The following KCNN3 variants were observed in gnomAD, a reference collection of about 807,000 sequenced individuals.
KCNN3 encodes small conductance calcium-activated potassium channel protein 3.
KCNN3 carries 16 observed loss-of-function variants against 62.9 expected under a neutral mutation model. The ratio of observed to expected loss-of-function variants is 0.25; its 90% CI spans 0.17 to 0.39. The LOEUF is 0.39. Ranked by LOEUF, KCNN3 falls within the 10% of genes least tolerant of loss-of-function variation. The pLI is 1.00. For missense variants in KCNN3, 599 were observed against 949.4 expected (o/e 0.63, Z 4.85); for synonymous variants, 370 against 389.2 (o/e 0.95, Z 0.58).
intron 3 of KCNN3, among the ~76,000 whole-genome samples, chr1:154,747,408 C>T (rs919538900): frequency 1.3e-5 from 2 of 152,162 alleles, no homozygotes; most frequent in African/African-American, 2.4e-5. Flanking sequence ...GGAGAGGGGA[C>T]GTTCTCAGCC....
chr1:154,738,615 G>A (rs965556028), intron 3 of KCNN3, among the ~76,000 whole-genome samples: 12 of 152,176 alleles, frequency 7.9e-5, no homozygotes, highest in South Asian at 2.1e-4. Context: ...CACCAGGTGC[G>A]GAGGACAACC....
chr1:154,709,115 G>A (rs1309530508), intron 7 of KCNN3, among the ~76,000 whole-genome samples: 6 of 152,106 alleles, frequency 3.9e-5, no homozygotes, highest in Admixed American at 3.3e-4. Context: ...CTGACTCCCC[G>A]TGTTCCAGGG....
At chr1:154,815,119 A>G (rs1468928053) in intron 2 of KCNN3, among the ~76,000 whole-genome samples, 3 of 152,118 alleles carry the variant, frequency 2.0e-5, no homozygotes, top group South Asian at 4.2e-4. Flanking sequence ...TGACATGCTC[A>G]AACCTAGCCA....
intron 2 of KCNN3, among the ~76,000 whole-genome samples, chr1:154,780,243 T>A (rs1648975523): frequency 7.0e-6 from 1 of 142,672 alleles, no homozygotes; most frequent in African/African-American, 2.6e-5. Flanking sequence ...AGTCGATTCA[T>A]TGGATTCACT....
rs1196106000 is a variant in KCNN3 at position 154,862,008 on chromosome 1, G to A, written c.933+7024C>T. Among the ~76,000 whole-genome samples, 1 of 152,332 alleles carries A rather than the reference G, an allele frequency of 6.6e-6. No individual in the cohort carries two copies. Among genetic ancestry groups the A allele is most frequent in the South Asian group, 2.1e-4 (1 of 4,822 alleles). ...CTGCCCATGACAGAGCTCAACAGAGGCATGAGGCACAGACAGGGACGCAGG... is the reference window on the plus strand; with the variant it reads ...CTGCCCATGACAGAGCTCAACAGAGACATGAGGCACAGACAGGGACGCAGG... On this transcript the variant is annotated intron_variant, in intron 1 of 7. Coordinates refer to ENST00000271915, the MANE Select transcript of KCNN3 (RefSeq NM_002249.6). The surrounding 1 kb of genome is among the most constrained non-coding windows in gnomAD (Gnocchi z 4.1).
intron 1 of KCNN3, among the ~76,000 whole-genome samples, chr1:154,864,279 A>G (rs1652874795): frequency 6.6e-6 from 1 of 152,240 alleles, no homozygotes; most frequent in African/African-American, 2.4e-5. Context: ...ACCCAGAGGC[A>G]TCTTCTCAAA....
At chr1:154,766,305 C>T (rs1648269213) in intron 3 of KCNN3, among the ~76,000 whole-genome samples, 1 of 150,894 alleles carries the variant, frequency 6.6e-6, no homozygotes, top group African/African-American at 2.4e-5. Flanking sequence ...AAATCATGGG[C>T]TCCTACCAAT....
chr1:154,791,818 T>C (rs990727751), intron 2 of KCNN3, among the ~76,000 whole-genome samples: 2 of 152,238 alleles, frequency 1.3e-5, no homozygotes, highest in Admixed American at 1.3e-4. Context: ...ACTTCACTGC[T>C]GTTTGTATGA....
At chr1:154,831,253 G>C (rs554966420) in intron 1 of KCNN3, among the ~76,000 whole-genome samples, 51 of 152,284 alleles carry the variant, frequency 3.3e-4, no homozygotes, top group Middle Eastern at 3.4e-3. Flanking sequence ...AATGAATATG[G>C]AACGGTAAAT....
rs889024416 is a variant in KCNN3, at chr1:154,838,726, C to T, written c.934-16542G>A. On this transcript the variant is annotated intron_variant, in intron 1 of 7. Transcript: ENST00000271915. ...TCCACCCTGTCCCTTCAGGCCTCTTCGGGAGACAATTCTAAGTGCGTTGAG... is the reference window on the plus strand; with the variant it reads ...TCCACCCTGTCCCTTCAGGCCTCTTTGGGAGACAATTCTAAGTGCGTTGAG... 3.3e-5 allele frequency among the ~76,000 whole-genome samples: 5 copies of T among 152,144 alleles called. No homozygotes were observed. In the East Asian group the frequency reaches 5.8e-4, roughly 18 times the overall value.
intron 2 of KCNN3, among the ~76,000 whole-genome samples, chr1:154,796,287 T>G (rs1198126997): frequency 6.6e-6 from 1 of 152,248 alleles, no homozygotes; most frequent in Non-Finnish European, 1.5e-5. Flanking sequence ...ACCATTTTCC[T>G]GGTCTCCACT....
intron 2 of KCNN3, among the ~76,000 whole-genome samples, chr1:154,779,798 G>A (rs562973260): frequency 4.6e-5 from 7 of 152,312 alleles, no homozygotes; most frequent in Admixed American, 2.0e-4. Flanking sequence ...GACGGCCAGC[G>A]AGGGATAGTA....
chr1:154,746,560 CT>C (rs536217527), intron 3 of KCNN3, among the ~76,000 whole-genome samples: 60 of 152,174 alleles, frequency 3.9e-4, no homozygotes, highest in African/African-American at 1.2e-3. Context: ...GCCTTTGCCC[CT>C]CTCTGTTCTT....
intron 1 of KCNN3, among the ~76,000 whole-genome samples, chr1:154,849,019 G>A (rs550457164): frequency 1.2e-4 from 18 of 152,192 alleles, no homozygotes; most frequent in South Asian, 8.3e-4. Context: ...ACCTTTCCCC[G>A]ACAGCAAACC....
chr1:154,805,820 A>T (rs1446292452), intron 2 of KCNN3, among the ~76,000 whole-genome samples: 1 of 152,192 alleles, frequency 6.6e-6, no homozygotes, highest in East Asian at 1.9e-4. Flanking sequence ...TGGCCCCCCA[A>T]AATGTCTGTG....
chr1:154,781,374 G>A (rs1649040678), intron 2 of KCNN3, among the ~76,000 whole-genome samples: 1 of 152,220 alleles, frequency 6.6e-6, no homozygotes, highest in African/African-American at 2.4e-5. Flanking sequence ...TCAGTGTAAT[G>A]TGAAGACTTG....
Position 154,703,664 on chromosome 1 carries a change from T to C in KCNN3, c.*4312A>G, listed in dbSNP as rs1699910602. On this transcript the variant is annotated 3_prime_UTR_variant, in exon 8 of 8. Coordinates refer to ENST00000271915, the MANE Select transcript of KCNN3 (RefSeq NM_002249.6). The stretch of plus-strand genomic sequence containing the variant: ...TTCTTAATTTGGAGTGTACTGTTTG[T>C]TGAGTTGCACTCTGGAGGAGGAGGA... 1 of 152,252 alleles carries C rather than the reference T, an allele frequency of 6.6e-6. No homozygotes were observed. Among genetic ancestry groups the C allele is most frequent in the African/African-American group, 2.4e-5 (1 of 41,454 alleles). 9.4% of individuals were successfully genotyped at this position (152,252 alleles called of 1,614,324 possible).
intron 3 of KCNN3, among the ~76,000 whole-genome samples, chr1:154,771,160 C>A (rs1648544040): frequency 6.6e-6 from 1 of 152,028 alleles, no homozygotes; most frequent in Admixed American, 6.6e-5. Context: ...AAAGGCAGCT[C>A]GAGGGTGGTG....
chr1:154,797,552 C>G (rs935765212), intron 2 of KCNN3, among the ~76,000 whole-genome samples: 2 of 152,234 alleles, frequency 1.3e-5, no homozygotes, highest in African/African-American at 4.8e-5. Flanking sequence ...TTGTCTGCAT[C>G]TGAATTTACA....
Sources: allele counts gnomAD v4.1 joint callset (sites outside exome capture counted in the v4.1 genomes callset), GRCh38; gene constraint gnomAD v4.1.1; non-coding constraint Gnocchi (gnomAD v3.1); transcripts MANE v1.5; gene names NCBI Gene and HGNC (gene_info 2026-07-23, HGNC 2026-07-21).